The following ZNG1A variants were observed in gnomAD, a reference collection of about 807,000 sequenced individuals.
ZNG1A encodes the protein zinc-regulated GTPase metalloprotein activator 1A.
chr9:140,341 G>C, the ZNG1A span, among the ~76,000 whole-genome samples: 3 of 151,616 alleles, frequency 2.0e-5, no homozygotes, highest in South Asian at 6.2e-4. Context: ...GCCTCCTCAA[G>C]TGGGTCCCTG....
the ZNG1A span, among the ~76,000 whole-genome samples, chr9:130,681 A>AC: frequency 1.4e-4 from 20 of 147,478 alleles, no homozygotes; most frequent in African/African-American, 5.0e-4. Flanking sequence ...CAATCCACCC[A>AC]CCTTGGCCTG....
chr9:146,604 C>T, the ZNG1A span: 2 of 168,996 alleles, frequency 1.2e-5, no homozygotes, highest in African/African-American at 5.1e-5. Flanking sequence ...AACCAATGTA[C>T]AAAATATTAA....
the ZNG1A span, chr9:147,423 G>C: frequency 9.7e-6 from 1 of 103,430 alleles, no homozygotes; most frequent in East Asian, 2.2e-4. Context: ...CTGACCAACT[G>C]TGCCTGCTTT....
At chr9:127,773 G>T in the ZNG1A span, among the ~76,000 whole-genome samples, 1 of 152,116 alleles carries the variant, frequency 6.6e-6, no homozygotes, top group Non-Finnish European at 1.5e-5. Flanking sequence ...TTTTCTAATT[G>T]TATTTTTGTT....
the ZNG1A span, among the ~76,000 whole-genome samples, chr9:125,202 T>C: frequency 1.3e-5 from 2 of 151,492 alleles, no homozygotes; most frequent in African/African-American, 4.8e-5. Context: ...GTTCACCACA[T>C]CCATGCCAAC....
At chr9:168,934 T>C in the ZNG1A span, among the ~76,000 whole-genome samples, 12 of 152,148 alleles carry the variant, frequency 7.9e-5, no homozygotes, top group Admixed American at 5.9e-4. Flanking sequence ...AGAGCTGTGA[T>C]GGAGATGTAC....
At chr9:167,236 C>T in the ZNG1A span, 4 of 149,676 alleles carry the variant, frequency 2.7e-5, no homozygotes, top group East Asian at 2.0e-4. Flanking sequence ...TTTTCAGGAA[C>T]GAAAGCAATA....
At chr9:143,223 C>T in the ZNG1A span, among the ~76,000 whole-genome samples, 3 of 147,938 alleles carry the variant, frequency 2.0e-5, no homozygotes, top group East Asian at 6.2e-4. Context: ...ATACCAAAGC[C>T]AGGCAGAGAC....
chr9:151,373 G>T, the ZNG1A span: 4 of 979,264 alleles, frequency 4.1e-6, no homozygotes, highest in African/African-American at 3.7e-5. Flanking sequence ...TAGACTGCCA[G>T]CTGTGAGCCT....
chr9:163,170 G>A, the ZNG1A span, among the ~76,000 whole-genome samples: 5 of 152,162 alleles, frequency 3.3e-5, no homozygotes, highest in South Asian at 2.1e-4. Context: ...AGAAAATTTC[G>A]ACTGAGAAAG....
At chr9:122,266 T>C in the ZNG1A span, 1 of 1,434,132 alleles carries the variant, frequency 7.0e-7, no homozygotes, top group Non-Finnish European at 9.1e-7. Flanking sequence ...TTTCTTAATG[T>C]TTTTAATTTT....
chr9:173,885 C>T, the ZNG1A span, among the ~76,000 whole-genome samples: 1 of 152,128 alleles, frequency 6.6e-6, no homozygotes. Context: ...ACCACGTGCT[C>T]ATTTAAAAAT....
chr9:124,945 T>C, the ZNG1A span, among the ~76,000 whole-genome samples: 1 of 152,172 alleles, frequency 6.6e-6, no homozygotes, highest in Non-Finnish European at 1.5e-5. Flanking sequence ...AGTTACTTTA[T>C]CCACGCATTG....
the ZNG1A span, among the ~76,000 whole-genome samples, chr9:139,578 T>C: frequency 0.2 from 30,743 of 151,954 alleles, 3,471 homozygotes; most frequent in East Asian, 0.44. Context: ...CTAATCTTTC[T>C]TCCCTCCCTT....
At chr9:131,338 G>T in the ZNG1A span, among the ~76,000 whole-genome samples, 4 of 148,114 alleles carry the variant, frequency 2.7e-5, 1 homozygote, top group African/African-American at 1.0e-4. Context: ...ACTCAGGTTT[G>T]TTTATTTAGT....
the ZNG1A span, among the ~76,000 whole-genome samples, chr9:130,062 G>C: frequency 6.6e-6 from 1 of 151,378 alleles, no homozygotes; most frequent in Non-Finnish European, 1.5e-5. Flanking sequence ...TTGCGTGACA[G>C]TAATTTTTCA....
chr9:170,074 T>C, the ZNG1A span, among the ~76,000 whole-genome samples: 2 of 147,144 alleles, frequency 1.4e-5, no homozygotes, highest in African/African-American at 5.1e-5. Flanking sequence ...ACTCACTCTA[T>C]TGTGATATTC....
the ZNG1A span, chr9:150,855 G>A: frequency 1.1e-6 from 1 of 937,228 alleles, no homozygotes; most frequent in Non-Finnish European, 1.3e-6. Flanking sequence ...CAAAAGAAGA[G>A]AATTGACTTA....
the ZNG1A span, chr9:172,658 AAAGT>A: frequency 6.5e-6 from 1 of 155,012 alleles, no homozygotes; most frequent in African/African-American, 2.4e-5. Context: ...GTTGTTCAAG[AAAGT>A]CTGTTATAAT....
Sources: allele counts gnomAD v4.1 joint callset (sites outside exome capture counted in the v4.1 genomes callset), GRCh38; gene constraint gnomAD v4.1.1; transcripts MANE v1.5; gene names NCBI Gene and HGNC (gene_info 2026-07-23, HGNC 2026-07-21).